Variants in GSN observed in about 807,000 individuals in gnomAD.
The protein encoded by GSN is gelsolin, also known as actin-depolymerizing factor.
In GSN, 56 loss-of-function variants were observed where a neutral mutation model predicts 85.7. The observed-to-expected ratio is 0.65, with a 90% confidence interval of 0.53 to 0.82. The LOEUF (loss-of-function observed/expected upper bound fraction) is 0.82. Ranked by LOEUF, GSN falls within the 40% of genes least tolerant of loss-of-function variation. The pLI is 0.00. For synonymous variants in GSN, 373 were observed against 399.1 expected (o/e 0.93, Z 0.78); for missense variants, 857 against 979.8 (o/e 0.87, Z 1.67).
chr9:121,250,197 C>T (rs988997213), intron 6 of GSN, among the ~76,000 whole-genome samples: 6 of 148,540 alleles, frequency 4.0e-5, no homozygotes, highest in Admixed American at 2.0e-4. Context: ...TCTCTAGATC[C>T]TTCTCTTTTT....
Position 121,269,108 on chromosome 9 carries a change from C to T in GSN, c.-103+889C>T, listed in dbSNP as rs554936984. Among the ~76,000 whole-genome samples the T allele has an allele frequency of 6.6e-5, 10 of 152,328 alleles. No homozygotes were observed. In the South Asian group the frequency reaches 1.9e-3, roughly 28 times the overall value. ...AGGGAGCTTTAAAACACCCAGAACT[C>T]ATTCTGGGCTGTCCTGAGGGTAATT... is the stretch of plus-strand genomic sequence containing the variant. On this transcript the variant is annotated intron_variant, in intron 1 of 17. Transcript: ENST00000432226.
chr9:121,262,782 C>T (rs995895257), intron 6 of GSN, among the ~76,000 whole-genome samples: 9 of 152,342 alleles, frequency 5.9e-5, no homozygotes, highest in African/African-American at 2.2e-4. Flanking sequence ...AAACACATTC[C>T]TGCCTGGGGC....
chr9:121,312,206 T>C lies in GSN; in HGVS notation c.514-133T>C, dbSNP rs990543579. The C allele has an allele frequency of 7.9e-6, 7 of 880,846 alleles. No individual in the cohort carries two copies. The East Asian group carries it at 1.7e-4, about 21-fold the overall frequency. The allele number at this position is 880,846 out of a possible 1,614,324, so 54.6% of individuals were successfully genotyped here. A position where few individuals can be genotyped will look rare whatever the true frequency, so the allele number is the denominator to read the frequency against. On this transcript the variant is annotated intron_variant, in intron 5 of 17. Transcript: ENST00000432226. The stretch of plus-strand genomic sequence containing the variant: ...ACGTAAATAATGCACGTGTGCAGAC[T>C]GTGCCAGCCTTCACCTGGGCAAGTG...
intron 3 of GSN, among the ~76,000 whole-genome samples, chr9:121,302,626 T>G (rs1302820671): frequency 6.6e-6 from 1 of 152,148 alleles, no homozygotes; most frequent in East Asian, 1.9e-4. Flanking sequence ...AGCCTCAGTT[T>G]CCTAATCTGT....
chr9:121,209,025 C>T (rs541351587), intron 1 of GSN, among the ~76,000 whole-genome samples: 2 of 152,342 alleles, frequency 1.3e-5, no homozygotes, highest in Non-Finnish European at 2.9e-5. Flanking sequence ...CCTCGTCTGA[C>T]TTCTGAACAA....
chr9:121,239,092 A>G, intron 5 of GSN: 3 of 372,284 alleles, frequency 8.1e-6, no homozygotes, highest in South Asian at 6.4e-5. Flanking sequence ...AATTTGAGTA[A>G]TTGAGCCATT....
chr9:121,323,186 G>A (rs2062704957), intron 11 of GSN, among the ~76,000 whole-genome samples: 1 of 151,976 alleles, frequency 6.6e-6, no homozygotes. Context: ...TTGCTGAAAA[G>A]TTGCAAAAAT....
intron 14 of GSN, among the ~76,000 whole-genome samples, chr9:121,327,820 A>G (rs1352751652): frequency 1.3e-5 from 2 of 152,118 alleles, no homozygotes; most frequent in Admixed American, 1.3e-4. Flanking sequence ...CTAAAATACA[A>G]AATTAGCCGG....
chr9:121,293,958 A>G lies in GSN; in HGVS notation c.-9-8005A>G, dbSNP rs12005220. Among the ~76,000 whole-genome samples the G allele has an allele frequency of 7.1e-3, 883 of 124,324 alleles. 7 individuals carry two copies. Among genetic ancestry groups the G allele is most frequent in the African/African-American group, 0.021 (843 of 41,018 alleles). The allele number at this position is 124,324 out of a possible 152,430, so 81.6% of individuals were successfully genotyped here. The stretch of plus-strand genomic sequence containing the variant: ...AACGGAGGCTCAGAGAGCCAAAACA[A>G]CTTGCTCAAAGCCACACTGCTAATA... On this transcript the variant is annotated intron_variant, in intron 2 of 17. Coordinates refer to ENST00000432226, the MANE Select transcript of GSN (RefSeq NM_198252.3).
intron 5 of GSN, among the ~76,000 whole-genome samples, chr9:121,244,193 T>C (rs1259812997): frequency 6.6e-6 from 1 of 152,230 alleles, no homozygotes; most frequent in African/African-American, 2.4e-5. Context: ...TTTTTATCAT[T>C]GGGTAGCAAT....
intron 5 of GSN, among the ~76,000 whole-genome samples, chr9:121,246,895 G>C (rs763231586): frequency 6.6e-5 from 10 of 152,190 alleles, no homozygotes; most frequent in Non-Finnish European, 1.5e-4. Flanking sequence ...ACTCCTAAGT[G>C]AGTCATGGCC....
At chr9:121,288,324 G>A (rs555033595) in intron 2 of GSN, among the ~76,000 whole-genome samples, 2 of 152,140 alleles carry the variant, frequency 1.3e-5, no homozygotes, top group Non-Finnish European at 2.9e-5. Flanking sequence ...CTCTGTATGA[G>A]AGGGAATAAT....
rs1488102409 is a variant in GSN at position 121,261,501 on chromosome 9, G to T, written c.-340-3653G>T. Among the ~76,000 whole-genome samples the T allele has an allele frequency of 1.3e-5, 2 of 152,240 alleles. No individual in the cohort carries two copies. The highest frequency in any genetic ancestry group is 2.9e-5 in the Non-Finnish European group (2 of 68,040). The stretch of plus-strand genomic sequence containing the variant: ...CCCTAGTTGTGAAATGTAAATAAGA[G>T]ATTTCACCTTGCTGTGCCTCAGTTT... On this transcript the variant is annotated intron_variant, in intron 6 of 24. Transcript: ENST00000373823. This position sits in a 1 kb window ranked among gnomAD's most constrained non-coding sequence, Gnocchi z 4.1.
At chr9:121,238,453 C>A (rs772079346) in intron 5 of GSN, among the ~76,000 whole-genome samples, 2 of 152,206 alleles carry the variant, frequency 1.3e-5, no homozygotes, top group Non-Finnish European at 2.9e-5. Context: ...AGCTTTGGGA[C>A]TCTTGGTCCT....
At chr9:121,296,628 G>C (rs2059246879) in intron 2 of GSN, among the ~76,000 whole-genome samples, 1 of 152,180 alleles carries the variant, frequency 6.6e-6, no homozygotes, top group Non-Finnish European at 1.5e-5. Context: ...AGGTCACCAG[G>C]AAGTCAGTGT....
intron 4 of GSN, among the ~76,000 whole-genome samples, chr9:121,307,167 C>T (rs952258651): frequency 1.3e-4 from 20 of 151,466 alleles, no homozygotes; most frequent in African/African-American, 4.6e-4. Flanking sequence ...GGCGATGGAA[C>T]GAGACTCTGT....
At chr9:121,228,422 ATATTTT>A (rs1472930445) in intron 4 of GSN, among the ~76,000 whole-genome samples, 331 of 57,962 alleles carry the variant, frequency 5.7e-3, no homozygotes, top group South Asian at 0.014. Context: ...ATATATATAT[ATATTTT>A]TTTTTTTTTT....
At chr9:121,219,552 C>T (rs1219172396) in intron 4 of GSN, among the ~76,000 whole-genome samples, 1 of 152,104 alleles carries the variant, frequency 6.6e-6, no homozygotes, top group East Asian at 1.9e-4. Flanking sequence ...CTGAGAAGAC[C>T]CTGAAAAACC....
In GSN at chr9:121,332,313, G is replaced by A; in HGVS notation, c.2027-121G>A. ...TGGTGCCCAGGGCAGGGGGTGGGCA[G>A]TAGGGACAGTAGGACCATAGACCCT... On this transcript the variant is annotated intron_variant, in intron 17 of 17. Coordinates refer to ENST00000432226, the MANE Select transcript of GSN (RefSeq NM_198252.3). The surrounding 1 kb of genome is among the most constrained non-coding windows in gnomAD (Gnocchi z 4.8). 1.1e-6 allele frequency: 1 copy of A among 928,698 alleles called. No individual in the cohort carries two copies. The highest frequency in any genetic ancestry group is 1.8e-6 in the Non-Finnish European group (1 of 559,648). 57.5% of individuals were successfully genotyped at this position (928,698 alleles called of 1,614,324 possible).
Sources: allele counts gnomAD v4.1 joint callset (sites outside exome capture counted in the v4.1 genomes callset), GRCh38; gene constraint gnomAD v4.1.1; non-coding constraint Gnocchi (gnomAD v3.1); transcripts MANE v1.5; gene names NCBI Gene and HGNC (gene_info 2026-07-23, HGNC 2026-07-21).